Variants in DLG2 observed in about 807,000 individuals in gnomAD.
The protein encoded by DLG2 is discs large MAGUK scaffold protein 2, also known as disks large homolog 2.
Under a neutral mutation model 132.5 loss-of-function variants are expected in DLG2, and 45 were observed. That is an observed-to-expected ratio of 0.34 (90% CI 0.27 to 0.44). DLG2 has a LOEUF of 0.44. Among genes scored for constraint, DLG2 ranks in the 20% least tolerant of loss-of-function variants. DLG2 has a pLI of 1.00. For synonymous variants in DLG2, 424 were observed against 419.6 expected, an observed-to-expected ratio of 1.01 and a Z score of -0.13; for missense variants, 1,045 against 1,196.9, an observed-to-expected ratio of 0.87 and a Z score of 1.87.
intron 18 of DLG2, among the ~76,000 whole-genome samples, chr11:83,669,606 T>C (rs1592142490): frequency 6.6e-6 from 1 of 152,218 alleles, no homozygotes; most frequent in Admixed American, 6.5e-5. Context: ...TAATGGCCTA[T>C]GATTTTCAAG....
intron 7 of DLG2, among the ~76,000 whole-genome samples, chr11:84,419,385 T>G (rs1385286340): frequency 4.6e-5 from 7 of 152,354 alleles, no homozygotes; most frequent in Middle Eastern, 3.4e-3. Context: ...GCATTTTACC[T>G]TCATAAACAT....
intron 14 of DLG2, among the ~76,000 whole-genome samples, chr11:83,960,638 T>C (rs1448648043): frequency 1.0e-5 from 1 of 98,118 alleles, no homozygotes; most frequent in Non-Finnish European, 2.0e-5. Flanking sequence ...ATTTACACAT[T>C]TTTTTTTTTT....
chr11:85,445,262 G>T (rs1368426253), intron 3 of DLG2, among the ~76,000 whole-genome samples: 1 of 152,252 alleles, frequency 6.6e-6, no homozygotes, highest in Admixed American at 6.5e-5. Flanking sequence ...AAGGAAACAG[G>T]CAGAAATGGA....
intron 7 of DLG2, among the ~76,000 whole-genome samples, chr11:84,305,256 T>G (rs555972828): frequency 1.3e-5 from 2 of 152,150 alleles, no homozygotes; most frequent in African/African-American, 2.4e-5. Context: ...TGTAATGAGA[T>G]AGTGAAATGC....
chr11:84,634,868 G>T (rs948999419), intron 6 of DLG2, among the ~76,000 whole-genome samples: 26 of 152,118 alleles, frequency 1.7e-4, no homozygotes, highest in African/African-American at 6.3e-4. Flanking sequence ...GCTTCAACAA[G>T]CCTTTTAAAA....
chr11:85,156,963 G>C (rs2077632408), intron 4 of DLG2, among the ~76,000 whole-genome samples: 1 of 152,180 alleles, frequency 6.6e-6, no homozygotes, highest in Non-Finnish European at 1.5e-5. Context: ...ATGTCTGTGA[G>C]GTTGTTGCCA....
intron 18 of DLG2, among the ~76,000 whole-genome samples, chr11:83,651,080 T>C (rs1174843379): frequency 6.6e-6 from 1 of 152,196 alleles, no homozygotes; most frequent in African/African-American, 2.4e-5. Flanking sequence ...ATTATACCTG[T>C]TTCCCCTGCC....
intron 7 of DLG2, among the ~76,000 whole-genome samples, chr11:84,471,392 T>C (rs2099107942): frequency 6.6e-6 from 1 of 151,806 alleles, no homozygotes; most frequent in Non-Finnish European, 1.5e-5. Flanking sequence ...CCCTCTGTCC[T>C]TCTCCAACAA....
At chr11:84,875,413 A>C (rs2154048833) in intron 6 of DLG2, among the ~76,000 whole-genome samples, 1 of 152,196 alleles carries the variant, frequency 6.6e-6, no homozygotes, top group African/African-American at 2.4e-5. Flanking sequence ...CCTCATCTAC[A>C]AGGAAAATGT....
intron 3 of DLG2, among the ~76,000 whole-genome samples, chr11:85,516,924 G>C (rs2094180900): frequency 6.6e-6 from 1 of 151,820 alleles, no homozygotes; most frequent in Non-Finnish European, 1.5e-5. Flanking sequence ...CTCATCCTAT[G>C]AAACCAGTAC....
At chr11:84,273,267 G>GT in intron 7 of DLG2, 1 of 1,280,546 alleles carries the variant, frequency 7.8e-7, no homozygotes, top group South Asian at 1.4e-5. Flanking sequence ...GCGAAAGCTG[G>GT]TAACACTCAA....
intron 4 of DLG2, among the ~76,000 whole-genome samples, chr11:85,271,643 G>T (rs1451594942): frequency 2.0e-5 from 3 of 152,226 alleles, no homozygotes; most frequent in African/African-American, 7.2e-5. Context: ...CCCAGCTCTT[G>T]CATAGCATGA....
intron 6 of DLG2, among the ~76,000 whole-genome samples, chr11:85,022,684 T>C (rs2060182351): frequency 6.6e-6 from 1 of 152,140 alleles, no homozygotes; most frequent in African/African-American, 2.4e-5. Flanking sequence ...TTGTCATCTT[T>C]GTTGTAATTC....
At chr11:83,986,013 C>G (rs2093263822) in intron 11 of DLG2, among the ~76,000 whole-genome samples, 1 of 151,776 alleles carries the variant, frequency 6.6e-6, no homozygotes, top group African/African-American at 2.4e-5. Context: ...TCACCAGTGT[C>G]TGTTGTTTTT....
intron 12 of DLG2, among the ~76,000 whole-genome samples, chr11:83,968,093 A>G (rs940592302): frequency 6.6e-6 from 1 of 152,224 alleles, no homozygotes; most frequent in East Asian, 1.9e-4. Flanking sequence ...CCACTGGTAT[A>G]ATGTAAAATT....
chr11:84,939,191 T>C (rs1286882598), intron 6 of DLG2, among the ~76,000 whole-genome samples: 1 of 152,092 alleles, frequency 6.6e-6, no homozygotes, highest in African/African-American at 2.4e-5. Context: ...ACAACTCAAT[T>C]TGAGAGCCTG....
At chr11:85,552,313 AT>A (rs1169056466) in intron 3 of DLG2, among the ~76,000 whole-genome samples, 1 of 151,576 alleles carries the variant, frequency 6.6e-6, no homozygotes, top group Non-Finnish European at 1.5e-5. Flanking sequence ...AAAGAAATAA[AT>A]GCAAAACTCA....
chr11:84,542,347 A>T (rs2099376549), intron 6 of DLG2, among the ~76,000 whole-genome samples: 1 of 152,218 alleles, frequency 6.6e-6, no homozygotes, highest in African/African-American at 2.4e-5. Context: ...AGTAATAATT[A>T]CAGTTCCTTA....
At chr11:84,087,901 A>G (rs1031468202) in intron 10 of DLG2, among the ~76,000 whole-genome samples, 1 of 152,242 alleles carries the variant, frequency 6.6e-6, no homozygotes, top group Non-Finnish European at 1.5e-5. Flanking sequence ...GCATTATTTT[A>G]AGTCACTAAG....
Sources: allele counts gnomAD v4.1 joint callset (sites outside exome capture counted in the v4.1 genomes callset), GRCh38; gene constraint gnomAD v4.1.1; transcripts MANE v1.5; gene names NCBI Gene and HGNC (gene_info 2026-07-23, HGNC 2026-07-21).